The following TUSC3 variants were observed in gnomAD, a reference collection of about 807,000 sequenced individuals.
TUSC3 encodes the protein dolichyl-diphosphooligosaccharide--protein glycosyltransferase subunit TUSC3.
In TUSC3, 45 loss-of-function variants were observed where a neutral mutation model predicts 44.8. That is an observed-to-expected ratio of 1.00 (90% CI 0.79 to 1.29). The LOEUF (loss-of-function observed/expected upper bound fraction) is 1.29, where lower values mean the gene tolerates loss of function less well. Ranked by LOEUF, TUSC3 falls within the 50% of genes most tolerant of loss-of-function variation. TUSC3 has a pLI of 0.00. For synonymous variants in TUSC3, 212 were observed against 152.9 expected (o/e 1.39, Z -2.85); for missense variants, 519 against 437.9 (o/e 1.19, Z -1.65).
At chr8:15,821,923 T>G in the TUSC3 span, among the ~76,000 whole-genome samples, 433 of 152,264 alleles carry the variant, frequency 2.8e-3, 1 homozygote, top group African/African-American at 0.01. Context: ...AATTAGACTA[T>G]AGACAGGTAA....
intron 1 of TUSC3, among the ~76,000 whole-genome samples, chr8:15,552,870 G>T (rs556182330): frequency 1.3e-5 from 2 of 151,848 alleles, no homozygotes; most frequent in African/African-American, 4.8e-5. Context: ...GACTGGAGAA[G>T]AGGCTTCTGC....
chr8:15,831,851 G>T, the TUSC3 span, among the ~76,000 whole-genome samples: 1 of 152,086 alleles, frequency 6.6e-6, no homozygotes, highest in East Asian at 1.9e-4. Flanking sequence ...GAGAGTGTGA[G>T]CAACTTGGAA....
At chr8:15,549,858 G>A (rs1801996900) in intron 1 of TUSC3, among the ~76,000 whole-genome samples, 1 of 151,636 alleles carries the variant, frequency 6.6e-6, no homozygotes, top group Non-Finnish European at 1.5e-5. Context: ...ACGAGCCGCA[G>A]ACAAGAACCC....
intron 6 of TUSC3, among the ~76,000 whole-genome samples, chr8:15,720,994 C>T (rs191823373): frequency 5.3e-5 from 8 of 152,106 alleles, no homozygotes; most frequent in Admixed American, 5.2e-4. Context: ...GTATTATGGA[C>T]ATTCGTATTC....
rs1807098174 is a variant in TUSC3, at chr8:15,655,175, CT to C, written c.427-4331del. ...TTGCTAAAATAATAATTGGTTGCAG[CT>C]GGCTGCTAGGAAAGGCAGTCTCCCA... On this transcript the variant is annotated intron_variant, in intron 3 of 10. Transcript: ENST00000503731. 2.0e-5 allele frequency among the ~76,000 whole-genome samples: 3 copies of C among 152,148 alleles called. No homozygotes were observed. In the South Asian group the frequency reaches 6.2e-4, roughly 31 times the overall value.
chr8:15,788,360 A>G, the TUSC3 span, among the ~76,000 whole-genome samples: 2 of 152,082 alleles, frequency 1.3e-5, no homozygotes, highest in Non-Finnish European at 1.5e-5. Flanking sequence ...CAGCCTGGCC[A>G]ACATGGGGAA....
At chr8:15,851,417 G>C in the TUSC3 span, among the ~76,000 whole-genome samples, 1 of 152,248 alleles carries the variant, frequency 6.6e-6, no homozygotes, top group East Asian at 1.9e-4. Context: ...TATTTATTGA[G>C]CAACTTACCA....
chr8:15,848,483 G>A, the TUSC3 span, among the ~76,000 whole-genome samples: 385 of 152,280 alleles, frequency 2.5e-3, 1 homozygote, highest in African/African-American at 8.4e-3. Flanking sequence ...CAGCTGTGGT[G>A]CAAGTGGAGC....
intron 2 of TUSC3, among the ~76,000 whole-genome samples, chr8:15,527,493 A>T (rs1449029059): frequency 6.6e-6 from 1 of 152,224 alleles, no homozygotes; most frequent in Non-Finnish European, 1.5e-5. Flanking sequence ...CTGGGATTAC[A>T]GATGTGAGTC....
chr8:15,594,381 G>A (rs1267912580), intron 1 of TUSC3, among the ~76,000 whole-genome samples: 2 of 151,992 alleles, frequency 1.3e-5, no homozygotes, highest in East Asian at 1.9e-4. Flanking sequence ...GGTTTTGATC[G>A]ATTGATTTTT....
chr8:15,478,245 G>C (rs1800608791), intron 1 of TUSC3, among the ~76,000 whole-genome samples: 1 of 152,030 alleles, frequency 6.6e-6, no homozygotes, highest in Non-Finnish European at 1.5e-5. Context: ...GGATGACAGG[G>C]GTGAGTTACC....
At chr8:15,772,088 C>T in the TUSC3 span, among the ~76,000 whole-genome samples, 2 of 149,934 alleles carry the variant, frequency 1.3e-5, no homozygotes, top group South Asian at 4.2e-4. Context: ...GACTCCGTCT[C>T]AAAAAGAAAA....
chr8:15,558,692 T>C (rs1486879465), intron 1 of TUSC3, among the ~76,000 whole-genome samples: 1 of 121,676 alleles, frequency 8.2e-6, no homozygotes, highest in Non-Finnish European at 1.8e-5. Context: ...GCTCCTGTTA[T>C]TGGTCTATTC....
intron 1 of TUSC3, among the ~76,000 whole-genome samples, chr8:15,454,147 A>C (rs1800227451): frequency 6.6e-6 from 1 of 152,184 alleles, no homozygotes. Flanking sequence ...ATCAAGGGAG[A>C]AGGGACACAA....
chr8:15,561,780 G>C (rs74650136), intron 1 of TUSC3: 1 of 151,368 alleles, frequency 6.6e-6, no homozygotes, highest in Non-Finnish European at 1.5e-5. Context: ...GGTGCCGTCC[G>C]TCACCCCTTT....
intron 3 of TUSC3, among the ~76,000 whole-genome samples, chr8:15,658,156 A>C (rs1807257816): frequency 6.6e-6 from 1 of 152,188 alleles, no homozygotes; most frequent in African/African-American, 2.4e-5. Flanking sequence ...ACCAACTCTT[A>C]ATCTTTAGCA....
chr8:15,420,722 G>A (rs964491058), intron 1 of TUSC3, among the ~76,000 whole-genome samples: 3 of 152,054 alleles, frequency 2.0e-5, no homozygotes, highest in African/African-American at 7.2e-5. Flanking sequence ...GAGGTTACCA[G>A]CAGCTTCTTG....
the TUSC3 span, among the ~76,000 whole-genome samples, chr8:15,828,964 C>CA: frequency 6.6e-6 from 1 of 152,122 alleles, no homozygotes; most frequent in Non-Finnish European, 1.5e-5. Context: ...CCTCTGTTGA[C>CA]AAAAAACATG....
intron 9 of TUSC3, among the ~76,000 whole-genome samples, chr8:15,757,122 C>A (rs955356335): frequency 6.6e-6 from 1 of 152,110 alleles, no homozygotes; most frequent in African/African-American, 2.4e-5. Flanking sequence ...GTGCCACAGA[C>A]TGAGAATCTG....
Sources: allele counts gnomAD v4.1 joint callset (sites outside exome capture counted in the v4.1 genomes callset), GRCh38; gene constraint gnomAD v4.1.1; transcripts MANE v1.5; gene names NCBI Gene and HGNC (gene_info 2026-07-23, HGNC 2026-07-21).